Variants in RPH3AL observed in about 807,000 individuals in gnomAD.
RPH3AL encodes rab effector Noc2.
Under a neutral mutation model 43.1 loss-of-function variants are expected in RPH3AL, and 38 were observed. The observed-to-expected ratio is 0.88, with a 90% confidence interval of 0.68 to 1.15. The LOEUF (loss-of-function observed/expected upper bound fraction) is 1.15, where lower values mean the gene tolerates loss of function less well. Among genes scored for constraint, RPH3AL ranks in the 50% most tolerant of loss-of-function variants. The pLI, the probability that RPH3AL is intolerant of heterozygous loss-of-function variation, is 0.00. For synonymous variants in RPH3AL, 189 were observed against 176.3 expected (o/e 1.07, Z -0.57); for missense variants, 462 against 423.2 (o/e 1.09, Z -0.81).
Position 319,414 on chromosome 17 carries a change from T to A in RPH3AL, c.351+6A>T. ...CCAGAATGACAGGGCCAGAGCAGGG[T>A]CTTACCTTCCTGCAGTCTTTGCAGA... is the stretch of plus-strand genomic sequence containing the variant. On this transcript the variant is annotated splice_donor_region_variant and intron_variant, in intron 5 of 9. Coordinates refer to ENST00000331302, the MANE Select transcript of RPH3AL (RefSeq NM_006987.4). The A allele has an allele frequency of 6.2e-7, 1 of 1,610,594 alleles. No individual in the cohort carries two copies. Among genetic ancestry groups the A allele is most frequent in the African/African-American group, 1.3e-5 (1 of 74,938 alleles).
Position 331,539 on chromosome 17 carries a change from C to T in RPH3AL, c.-37+2220G>A, listed in dbSNP as rs556232137. Reference sequence around the variant, plus strand: ...AAGGCACAGCTGTCCTTCACTCGCACGGAGCAACCTCGGGACAGATGGTGG... The same window carrying T: ...AAGGCACAGCTGTCCTTCACTCGCATGGAGCAACCTCGGGACAGATGGTGG... On this transcript the variant is annotated intron_variant, in intron 2 of 9. Coordinates refer to ENST00000331302, the MANE Select transcript of RPH3AL (RefSeq NM_006987.4). The T allele has an allele frequency of 3.8e-4, 478 of 1,243,658 alleles. 2 individuals carry two copies. The African/African-American group carries it at 5.0e-3, about 13-fold the overall frequency. The allele number at this position is 1,243,658 out of a possible 1,614,324, so 77.0% of individuals were successfully genotyped here. A position where few individuals can be genotyped will look rare whatever the true frequency, so the allele number is the denominator to read the frequency against.
In RPH3AL at chr17:213,308, C is replaced by T. The variant is rs11869365; in HGVS notation, c.*544G>A. 2,066 of 159,054 alleles carry T rather than the reference C, an allele frequency of 0.013. 49 individuals are homozygous for T. Among genetic ancestry groups the T allele is most frequent in the African/African-American group, 0.046 (1,921 of 41,610 alleles). The allele number at this position is 159,054 out of a possible 1,614,324, so 9.9% of individuals were successfully genotyped here. A position where few individuals can be genotyped will look rare whatever the true frequency, so the allele number is the denominator to read the frequency against. ...ACTAAACAGACCCAGGTTTCACCCA[C>T]GGTCCTGGGCCAGCCCATGGGAGGG... On this transcript the variant is annotated 3_prime_UTR_variant, in exon 10 of 10. Coordinates refer to ENST00000331302, the MANE Select transcript of RPH3AL (RefSeq NM_006987.4).
intron 5 of RPH3AL, among the ~76,000 whole-genome samples, chr17:314,567 TCC>T: frequency 1.5e-5 from 2 of 134,700 alleles, no homozygotes; most frequent in African/African-American, 2.7e-5. Context: ...GTGCCCCACC[TCC>T]ACTGACAGGC....
At chr17:298,427 T>A (rs1325784683) in intron 5 of RPH3AL, among the ~76,000 whole-genome samples, 1 of 152,172 alleles carries the variant, frequency 6.6e-6, no homozygotes, top group Non-Finnish European at 1.5e-5. Context: ...CTGGGCACGG[T>A]GGCTCACCCC....
intron 1 of RPH3AL, among the ~76,000 whole-genome samples, chr17:352,411 G>C (rs892013647): frequency 2.7e-4 from 41 of 152,284 alleles, no homozygotes; most frequent in Middle Eastern, 3.4e-3. Flanking sequence ...AGGCACCAGC[G>C]GGGCATGAGG....
chr17:296,737 T>C (rs1242459653), intron 5 of RPH3AL, among the ~76,000 whole-genome samples: 1 of 152,192 alleles, frequency 6.6e-6, no homozygotes, highest in Admixed American at 6.5e-5. Flanking sequence ...AAACACACAA[T>C]ATTGTTTTGA....
At chr17:285,198 C>T (rs980521548) in intron 5 of RPH3AL, among the ~76,000 whole-genome samples, 2 of 151,138 alleles carry the variant, frequency 1.3e-5, no homozygotes, top group Non-Finnish European at 3.0e-5. Flanking sequence ...GCCCTCGGTC[C>T]CCCTGAGCCT....
intron 5 of RPH3AL, among the ~76,000 whole-genome samples, chr17:310,324 G>T (rs539016653): frequency 6.6e-6 from 1 of 152,174 alleles, no homozygotes; most frequent in African/African-American, 2.4e-5. Flanking sequence ...CCGGCATCTC[G>T]GCTTCCACCC....
At chr17:331,824 C>A (rs909852774) in intron 2 of RPH3AL, 29 of 1,289,066 alleles carry the variant, frequency 2.2e-5, no homozygotes, top group Non-Finnish European at 2.9e-5. Flanking sequence ...CTCCAGAGAG[C>A]AGTGCCCTGT....
intron 5 of RPH3AL, among the ~76,000 whole-genome samples, chr17:282,123 C>T (rs1461518032): frequency 6.6e-6 from 1 of 152,148 alleles, no homozygotes; most frequent in Non-Finnish European, 1.5e-5. Context: ...TTCACAGCTG[C>T]GTCACGTTTG....
In RPH3AL at chr17:213,875, C is replaced by G; in HGVS notation, c.925G>C (p.Gly309Arg). Residue 309 changes from glycine to arginine, a missense_variant, in exon 10 of 10, where the codon GGC becomes CGC. By Grantham distance (125) the Gly-to-Arg change is moderately radical. Coordinates refer to ENST00000331302, the MANE Select transcript of RPH3AL (RefSeq NM_006987.4). ...RAPAADAAPA[G>R]PSSCLG ...CCTCAGCCCAGGCAGCTGGAGGGGCCTGCTGGAGCTGCGTCAGCAGCGGGG... is the reference window on the plus strand; with the variant it reads ...CCTCAGCCCAGGCAGCTGGAGGGGCGTGCTGGAGCTGCGTCAGCAGCGGGG... 6.2e-7 allele frequency: 1 copy of G among 1,613,762 alleles called. No homozygotes were observed. The highest frequency in any genetic ancestry group is 1.1e-5 in the South Asian group (1 of 91,072).
intron 6 of RPH3AL, among the ~76,000 whole-genome samples, chr17:272,985 T>TCAGGAAGAGACCCCAGCGAGGGCG (rs1567604470): frequency 1.9e-4 from 7 of 36,380 alleles, no homozygotes; most frequent in African/African-American, 5.3e-4. Context: ...CAGCAAGGGC[T>TCAGGAAGAGACCCCAGCGAGGGCG]ACGTCAGGGT....
At position 215,476 on chromosome 17, in the gene RPH3AL, C is replaced by T. The variant is rs546429759; in HGVS notation, c.876+178G>A. On this transcript the variant is annotated intron_variant, in intron 9 of 9. Transcript: ENST00000331302. This position sits in a 1 kb window ranked among gnomAD's most constrained non-coding sequence, Gnocchi z 4.1. ...TACCATTATCATTCTGGGTCCCTCT[C>T]TCTGTTCCTTGCAGGCAGGGATGGG... Among the ~76,000 whole-genome samples the T allele has an allele frequency of 1.2e-4, 18 of 152,378 alleles. No homozygotes were observed. The South Asian group carries it at 3.7e-3, about 32-fold the overall frequency.
At chr17:326,688 C>T (rs2044629062) in intron 3 of RPH3AL, among the ~76,000 whole-genome samples, 1 of 152,210 alleles carries the variant, frequency 6.6e-6, no homozygotes, top group African/African-American at 2.4e-5. Context: ...CGAGACCAGC[C>T]TGGCCAACAT....
At chr17:312,261 A>C (rs1403824079) in intron 5 of RPH3AL, among the ~76,000 whole-genome samples, 2 of 152,140 alleles carry the variant, frequency 1.3e-5, no homozygotes, top group Non-Finnish European at 2.9e-5. Flanking sequence ...TGATCATGCC[A>C]CTGCACTCCA....
At chr17:218,133 A>T (rs978237131) in intron 8 of RPH3AL, among the ~76,000 whole-genome samples, 4 of 151,594 alleles carry the variant, frequency 2.6e-5, no homozygotes, top group Admixed American at 1.3e-4. Context: ...CCTCGCTGAA[A>T]TCAGGACCTC....
In RPH3AL at chr17:246,893, C is replaced by T. The variant is rs535983010; in HGVS notation, c.613+218G>A. The stretch of plus-strand genomic sequence containing the variant: ...TGATACTGCCCCCCGTGGGCCCTCC[C>T]GCCGCACTCCTGCACAGAGCGAACA... On this transcript the variant is annotated intron_variant, in intron 7 of 9. Transcript: ENST00000331302. This position sits in a 1 kb window ranked among gnomAD's most constrained non-coding sequence, Gnocchi z 4.8. Among the ~76,000 whole-genome samples the T allele has an allele frequency of 6.6e-6, 1 of 152,366 alleles. No individual in the cohort carries two copies. Among genetic ancestry groups the T allele is most frequent in the Admixed American group, 6.5e-5 (1 of 15,302 alleles).
At chr17:222,431 G>A (rs1299218914) in intron 7 of RPH3AL, among the ~76,000 whole-genome samples, 1 of 152,196 alleles carries the variant, frequency 6.6e-6, no homozygotes, top group Non-Finnish European at 1.5e-5. Context: ...TCTCACAAAT[G>A]CGGAAGGGAA....
At chr17:324,076 C>A (rs142934293) in intron 3 of RPH3AL, among the ~76,000 whole-genome samples, 1 of 152,116 alleles carries the variant, frequency 6.6e-6, no homozygotes, top group Non-Finnish European at 1.5e-5. Context: ...GAGGCAGGCC[C>A]GGACCCTGAG....
Sources: gnomAD v4.1 joint callset for allele counts (sites outside exome capture counted in the v4.1 genomes callset) on GRCh38, gnomAD v4.1.1 for gene constraint, Gnocchi (gnomAD v3.1) non-coding constraint, MANE v1.5 for transcripts, NCBI Gene and HGNC (gene_info 2026-07-23, HGNC 2026-07-21) for gene names.